Variants in HPS5 observed in about 807,000 individuals in gnomAD.
HPS5 encodes BLOC-2 complex member HPS5.
Under a neutral mutation model 128.0 loss-of-function variants are expected in HPS5, and 83 were observed. That is an observed-to-expected ratio of 0.65 (90% confidence interval 0.54 to 0.78). The LOEUF (loss-of-function observed/expected upper bound fraction) is 0.78. Ranked by LOEUF, HPS5 falls within the 30% of genes least tolerant of loss-of-function variation. The pLI is 0.00. For missense variants in HPS5, 1,281 were observed against 1,326.2 expected (o/e 0.97, Z 0.53); for synonymous variants, 475 against 470.2 (o/e 1.01, Z -0.13).
intron 6 of HPS5, among the ~76,000 whole-genome samples, chr11:18,307,944 T>C (rs1251122068): frequency 6.6e-6 from 1 of 152,220 alleles, no homozygotes; most frequent in East Asian, 1.9e-4. Context: ...ATGAAATAGG[T>C]ACACAGGTGT....
At chr11:18,293,087 T>G in intron 14 of HPS5, 111 bp from the exon 15 acceptor site, 1 of 828,902 alleles carries the variant, frequency 1.2e-6, no homozygotes, top group South Asian at 1.3e-5. Context: ...AGTGACGTGA[T>G]CTCGGTTCAT....
intron 21 of HPS5, 56 bp from the exon 22 acceptor site, chr11:18,282,276 C>A (rs1859086253): frequency 6.3e-7 from 1 of 1,594,356 alleles, no homozygotes; most frequent in Non-Finnish European, 8.6e-7. Context: ...TGACTGGATA[C>A]AGGAGATGGT....
At chr11:18,282,286 T>G in intron 21 of HPS5, 66 bp from the exon 22 acceptor site, 1 of 1,570,622 alleles carries the variant, frequency 6.4e-7, no homozygotes, top group Middle Eastern at 2.1e-4. Flanking sequence ...CAGGAGATGG[T>G]CAAAACTGTG....
chr11:18,320,930 A>C (rs1864241542), intron 1 of HPS5, among the ~76,000 whole-genome samples: 2 of 152,222 alleles, frequency 1.3e-5, no homozygotes, highest in African/African-American at 4.8e-5. Context: ...ACATAAATAA[A>C]ATCTTCTTAG....
chr11:18,291,032 G>A (rs887097652), intron 16 of HPS5, among the ~76,000 whole-genome samples: 13 of 152,224 alleles, frequency 8.5e-5, no homozygotes, highest in African/African-American at 2.6e-4. Context: ...CAGCTTGGCC[G>A]ACATGGCAAA....
At chr11:18,316,778 T>C (rs1465257706) in intron 2 of HPS5, among the ~76,000 whole-genome samples, 1 of 152,230 alleles carries the variant, frequency 6.6e-6, no homozygotes, top group Non-Finnish European at 1.5e-5. Flanking sequence ...GGAATTCTCA[T>C]TGGCTTACAG....
At chr11:18,314,738 T>C (rs568627781) in intron 2 of HPS5, among the ~76,000 whole-genome samples, 5 of 152,260 alleles carry the variant, frequency 3.3e-5, no homozygotes, top group African/African-American at 9.6e-5. Context: ...TCTTGCTGTG[T>C]CACCCAGGCT....
At chr11:18,306,045 T>C in intron 7 of HPS5, 90 bp downstream of exon 7, 1 of 1,004,868 alleles carries the variant, frequency 1.0e-6, no homozygotes. Context: ...TATAATAAAA[T>C]CTTTAACACA....
intron 1 of HPS5, among the ~76,000 whole-genome samples, chr11:18,319,749 G>A (rs1157772399): frequency 6.6e-6 from 1 of 152,176 alleles, no homozygotes; most frequent in African/African-American, 2.4e-5. Context: ...ACGGGTGGGT[G>A]ATATGAAAAT....
At chr11:18,295,390 G>A (rs926866335) in intron 13 of HPS5, among the ~76,000 whole-genome samples, 2 of 152,150 alleles carry the variant, frequency 1.3e-5, no homozygotes, top group Non-Finnish European at 2.9e-5. Flanking sequence ...TAAGAAATCA[G>A]TGTTTCAGCG....
At chr11:18,280,446 T>C (rs1175267990) in intron 22 of HPS5, 4 of 594,308 alleles carry the variant, frequency 6.7e-6, no homozygotes, top group African/African-American at 3.8e-5. Flanking sequence ...GGCAGGAAAG[T>C]AAAATGGTGC....
chr11:18,303,586 T>C lies in HPS5; in HGVS notation c.896+1836A>G, dbSNP rs576867073. On this transcript the variant is annotated intron_variant, in intron 8 of 22. Coordinates refer to ENST00000349215, the MANE Select transcript of HPS5 (RefSeq NM_181507.2). ...GCTAAGTGTATTGTGGCCCGACTAC[T>C]AGAAAACATATTCTTGGGTACTTTG... Among the ~76,000 whole-genome samples the C allele has an allele frequency of 5.3e-4, 80 of 152,280 alleles. 2 individuals are homozygous for C. The South Asian group carries it at 0.015, about 28-fold the overall frequency.
intron 2 of HPS5, among the ~76,000 whole-genome samples, chr11:18,314,150 T>C (rs1198479035): frequency 1.3e-5 from 2 of 152,172 alleles, no homozygotes; most frequent in African/African-American, 4.8e-5. Context: ...AGTTCAAGGC[T>C]ACAGTGCACT....
At chr11:18,304,668 T>C (rs952851749) in intron 8 of HPS5, among the ~76,000 whole-genome samples, 1 of 152,242 alleles carries the variant, frequency 6.6e-6, no homozygotes, top group Non-Finnish European at 1.5e-5. Flanking sequence ...GAATCAGGTG[T>C]TCACACTCCA....
chr11:18,312,075 T>C (rs1863085624), intron 2 of HPS5, 51 bp from the exon 3 acceptor site: 2 of 1,343,046 alleles, frequency 1.5e-6, no homozygotes, highest in South Asian at 1.2e-5. Context: ...CTTAACCAAA[T>C]AGACTATCCA....
At chr11:18,317,091 G>C (rs1368820076) in intron 2 of HPS5, among the ~76,000 whole-genome samples, 1 of 151,860 alleles carries the variant, frequency 6.6e-6, no homozygotes, top group Non-Finnish European at 1.5e-5. Context: ...CTACTTGGGA[G>C]GCTGAGGCAG....
intron 21 of HPS5, 33 bp from the exon 22 acceptor site, chr11:18,282,253 A>G (rs766288908): frequency 6.2e-7 from 1 of 1,612,474 alleles, no homozygotes; most frequent in South Asian, 1.1e-5. Context: ...CAGTTTGACC[A>G]CTCTTAGCAC....
chr11:18,291,126 G>C (rs1860353478), intron 16 of HPS5, among the ~76,000 whole-genome samples: 1 of 152,180 alleles, frequency 6.6e-6, no homozygotes, highest in African/African-American at 2.4e-5. Context: ...GCTGAGGCAA[G>C]ACAATCACTT....
At chr11:18,301,066 C>T (rs1861644246) in intron 8 of HPS5, 150 bp from the exon 9 acceptor site, 1 of 665,044 alleles carries the variant, frequency 1.5e-6, no homozygotes, top group Admixed American at 2.5e-5. Flanking sequence ...GTCCTAACAA[C>T]TCCTTTCTGT....
Sources: gnomAD v4.1 joint callset for allele counts (sites outside exome capture counted in the v4.1 genomes callset) on GRCh38, gnomAD v4.1.1 for gene constraint, MANE v1.5 for transcripts, NCBI Gene and HGNC (gene_info 2026-07-23, HGNC 2026-07-21) for gene names.